The following CACNA1H variants were observed in gnomAD, a reference collection of about 807,000 sequenced individuals.
CACNA1H encodes voltage-dependent T-type calcium channel subunit alpha-1H.
Under a neutral mutation model 192.5 loss-of-function variants are expected in CACNA1H, and 149 were observed. That is an observed-to-expected ratio of 0.77 (90% confidence interval 0.68 to 0.89). CACNA1H has a LOEUF of 0.89. Ranked by LOEUF, CACNA1H falls within the 40% of genes least tolerant of loss-of-function variation. The pLI, the probability that CACNA1H is intolerant of heterozygous loss-of-function variation, is 0.00. For synonymous variants in CACNA1H, 2,202 were observed against 1,475.2 expected, an observed-to-expected ratio of 1.49 and a Z score of -11.29; for missense variants, 4,257 against 3,423.5, an observed-to-expected ratio of 1.24 and a Z score of -6.08.
At chr16:1,165,484 G>A (rs112097185) in intron 2 of CACNA1H, among the ~76,000 whole-genome samples, 6 of 152,318 alleles carry the variant, frequency 3.9e-5, no homozygotes, top group East Asian at 1.9e-4. Context: ...CCGAGCCCCC[G>A]TCCTGCGCAC....
intron 2 of CACNA1H, among the ~76,000 whole-genome samples, chr16:1,175,409 A>G (rs562754372): frequency 6.6e-6 from 1 of 152,176 alleles, no homozygotes; most frequent in East Asian, 1.9e-4. Flanking sequence ...GAGGGGGTTG[A>G]CAGGAGACAG....
intron 17 of CACNA1H, 137 bp downstream of exon 17, chr16:1,209,549 C>G (rs1039366697): frequency 1.9e-6 from 2 of 1,063,210 alleles, no homozygotes; most frequent in Non-Finnish European, 2.7e-6. Context: ...GCAGGCCAGG[C>G]CAGGGAGGAA....
At chr16:1,185,327 G>A (rs1965877894) in intron 2 of CACNA1H, among the ~76,000 whole-genome samples, 1 of 152,192 alleles carries the variant, frequency 6.6e-6, no homozygotes. Flanking sequence ...GGGCCCGTCT[G>A]TCGTGAGTGC....
intron 2 of CACNA1H, among the ~76,000 whole-genome samples, chr16:1,168,829 T>TGTC (rs1224083788): frequency 6.6e-6 from 1 of 151,996 alleles, no homozygotes; most frequent in Non-Finnish European, 1.5e-5. Context: ...GGGGTGAGGC[T>TGTC]GTCTGCATCG....
At chr16:1,162,084 C>T (rs1963259621) in intron 2 of CACNA1H, among the ~76,000 whole-genome samples, 1 of 152,144 alleles carries the variant, frequency 6.6e-6, no homozygotes, top group South Asian at 2.1e-4. Flanking sequence ...GTGAAATGGG[C>T]CTGCTGCCCT....
intron 31 of CACNA1H, 65 bp downstream of exon 31, chr16:1,217,075 C>G (rs1970087810): frequency 5.9e-6 from 8 of 1,362,316 alleles, no homozygotes; most frequent in Non-Finnish European, 8.2e-6. Flanking sequence ...CTGTGCCCAT[C>G]CACTCACACG....
At chr16:1,198,590 C>G (rs1407492128) in intron 5 of CACNA1H, 25 bp from the exon 6 acceptor site, 2 of 1,610,484 alleles carry the variant, frequency 1.2e-6, no homozygotes, top group Non-Finnish European at 1.7e-6. Flanking sequence ...CTTAGCAGTG[C>G]CAATCCTGGC....
intron 2 of CACNA1H, among the ~76,000 whole-genome samples, chr16:1,172,691 C>T (rs1018808178): frequency 6.6e-6 from 1 of 152,208 alleles, no homozygotes; most frequent in African/African-American, 2.4e-5. Context: ...GCAGAGCCAC[C>T]CGCATGGGTG....
chr16:1,180,831 G>A lies in CACNA1H; in HGVS notation c.300-14141G>A, dbSNP rs543824370. On this transcript the variant is annotated intron_variant, in intron 2 of 34. Coordinates refer to ENST00000348261, the MANE Select transcript of CACNA1H (RefSeq NM_021098.3). This position sits in a 1 kb window ranked among gnomAD's most constrained non-coding sequence, Gnocchi z 4.4. ...GTCAGCCCTGGTCCACAGCCACCCCGCCCTGGACTCCCCGGGCCAGCACCC... is the reference window on the plus strand; with the variant it reads ...GTCAGCCCTGGTCCACAGCCACCCCACCCTGGACTCCCCGGGCCAGCACCC... 9.9e-5 allele frequency among the ~76,000 whole-genome samples: 15 copies of A among 152,244 alleles called. No individual in the cohort carries two copies. Among genetic ancestry groups the A allele is most frequent in the African/African-American group, 3.6e-4 (15 of 41,554 alleles).
intron 27 of CACNA1H, among the ~76,000 whole-genome samples, chr16:1,214,706 C>A (rs1359714286): frequency 1.3e-5 from 2 of 151,966 alleles, no homozygotes; most frequent in Non-Finnish European, 2.9e-5. Flanking sequence ...GGGTGGCTTC[C>A]TGGAGACAGT....
At chr16:1,206,459 C>G in intron 12 of CACNA1H, 170 bp downstream of exon 12, 1 of 633,908 alleles carries the variant, frequency 1.6e-6, no homozygotes, top group Non-Finnish European at 2.7e-6. Flanking sequence ...GATTGGGCCC[C>G]TACTGTGTGC....
chr16:1,160,653 G>A (rs1963074171), intron 2 of CACNA1H, among the ~76,000 whole-genome samples: 1 of 152,218 alleles, frequency 6.6e-6, no homozygotes, highest in Admixed American at 6.5e-5. Context: ...GCGGAGGTGG[G>A]CCCGGGCTGA....
At chr16:1,203,766 A>C (rs1357809190) in intron 9 of CACNA1H, among the ~76,000 whole-genome samples, 2 of 151,972 alleles carry the variant, frequency 1.3e-5, no homozygotes, top group South Asian at 2.1e-4. Flanking sequence ...GTTTCTTCTT[A>C]TTGGAACAGT....
intron 9 of CACNA1H, among the ~76,000 whole-genome samples, chr16:1,202,815 C>T (rs184645804): frequency 5.3e-5 from 8 of 152,120 alleles, no homozygotes; most frequent in African/African-American, 1.4e-4. Flanking sequence ...CCCTGGAGGA[C>T]GTGCAGCGTC....
rs868696475 is a variant in CACNA1H at position 1,206,162 on chromosome 16, C to T, written c.2662C>T (p.Leu888=). The change falls in exon 12 of 35, where the codon CTG becomes TTG. Residue 888 remains leucine (L), a synonymous_variant. Transcript: ENST00000348261. ...GGLSVLRTFR[L]LRVLKLVRFL... is the part of the protein sequence containing the mutation. Reference sequence around the variant, plus strand: ...CTTGTCTGTGCTGCGCACCTTCCGGCTGCTGCGTGTGCTGAAGCTGGTGCG... The same window carrying T: ...CTTGTCTGTGCTGCGCACCTTCCGGTTGCTGCGTGTGCTGAAGCTGGTGCG... 2 of 1,585,978 alleles carry T rather than the reference C, an allele frequency of 1.3e-6. No homozygotes were observed. The highest frequency in any genetic ancestry group is 2.3e-5 in the South Asian group (2 of 86,364).
rs368350417 is a variant in CACNA1H at position 1,195,023 on chromosome 16, G to A, written c.351G>A (p.Leu117=). Residue 117 remains leucine (L), a synonymous_variant, in exon 3 of 35, where the codon CTG becomes CTA. Transcript: ENST00000348261. Reference sequence around the variant, plus strand: ...TAATCATGCTCAACTGCGTGACCCTGGGCATGTTCCGGCCCTGTGAGGACG... The same window carrying A: ...TAATCATGCTCAACTGCGTGACCCTAGGCATGTTCCGGCCCTGTGAGGACG... ...MLVIMLNCVT[L]GMFRPCEDVE... is the part of the protein sequence containing the mutation. The A allele has an allele frequency of 6.2e-7, 1 of 1,612,124 alleles. No homozygotes were observed. Among genetic ancestry groups the A allele is most frequent in the Admixed American group, 1.7e-5 (1 of 59,994 alleles).
At position 1,207,897 on chromosome 16, in the gene CACNA1H, G is replaced by A. The variant is rs201689016; in HGVS notation, c.3154+37G>A. 8 of 1,556,014 alleles carry A rather than the reference G, an allele frequency of 5.1e-6. No homozygotes were observed. In the Admixed American group the frequency reaches 5.7e-5, roughly 11 times the overall value. ...CGGTGGGTGGTCCGGGTTCTGGCGG[G>A]TGGAGTACGCTGGGCTGGCCGGGCA... On this transcript the variant is annotated intron_variant, in intron 15 of 34. Coordinates refer to ENST00000348261, the MANE Select transcript of CACNA1H (RefSeq NM_021098.3).
intron 2 of CACNA1H, among the ~76,000 whole-genome samples, chr16:1,183,237 T>A (rs868769161): frequency 6.6e-6 from 1 of 152,154 alleles, no homozygotes; most frequent in Non-Finnish European, 1.5e-5. Context: ...CTGGGACCCC[T>A]GACGGGTTCT....
intron 21 of CACNA1H, 32 bp downstream of exon 21, chr16:1,211,003 C>T: frequency 1.9e-6 from 3 of 1,583,506 alleles, no homozygotes; most frequent in South Asian, 1.1e-5. Flanking sequence ...CCCGGGGCAA[C>T]CTGGAAGCAC....
Sources: allele counts gnomAD v4.1 joint callset (sites outside exome capture counted in the v4.1 genomes callset), GRCh38; gene constraint gnomAD v4.1.1; non-coding constraint Gnocchi (gnomAD v3.1); transcripts MANE v1.5; gene names NCBI Gene and HGNC (gene_info 2026-07-23, HGNC 2026-07-21).